CNTNAP2: variants seen among roughly 807,000 people sequenced by gnomAD.
The protein encoded by CNTNAP2 is contactin associated protein 2, also known as contactin-associated protein-like 2.
CNTNAP2 carries 98 observed loss-of-function variants against 155.2 expected under a neutral mutation model. The observed-to-expected ratio is 0.63, with a 90% CI of 0.54 to 0.75. The LOEUF is 0.75. Among genes scored for constraint, CNTNAP2 ranks in the 30% least tolerant of loss-of-function variants. The pLI is 0.00. For synonymous variants in CNTNAP2, 651 were observed against 631.2 expected (o/e 1.03, Z -0.47); for missense variants, 1,727 against 1,688.1 (o/e 1.02, Z -0.40).
chr7:146,128,477 T>C (rs528931981), intron 1 of CNTNAP2, among the ~76,000 whole-genome samples: 1 of 152,254 alleles, frequency 6.6e-6, no homozygotes, highest in Admixed American at 6.5e-5. Flanking sequence ...GCTTAATATT[T>C]ACCCAATATT....
chr7:146,606,289 A>G (rs561715446), intron 1 of CNTNAP2, among the ~76,000 whole-genome samples: 2 of 152,176 alleles, frequency 1.3e-5, no homozygotes, highest in African/African-American at 2.4e-5. Flanking sequence ...AGATGTAAAA[A>G]GTGACATGAG....
intron 1 of CNTNAP2, among the ~76,000 whole-genome samples, chr7:146,344,169 G>C (rs376739953): frequency 4.6e-5 from 7 of 152,168 alleles, no homozygotes; most frequent in Non-Finnish European, 4.4e-5. Context: ...CCAAAATTCT[G>C]AAGAGAATGT....
At position 147,761,677 on chromosome 7, in the gene CNTNAP2, G is replaced by A. The variant is rs375848513; in HGVS notation, c.2098+122371G>A. 2.6e-5 allele frequency among the ~76,000 whole-genome samples: 4 copies of A among 152,156 alleles called. No individual in the cohort carries two copies. The South Asian group carries it at 8.3e-4, about 32-fold the overall frequency. ...TATATAAATAATAATAGCACCATAA[G>A]TTATATCTTATCAGGCATTGAGCTG... is the stretch of plus-strand genomic sequence containing the variant. On this transcript the variant is annotated intron_variant, in intron 13 of 23. Transcript: ENST00000361727.
intron 13 of CNTNAP2, among the ~76,000 whole-genome samples, chr7:147,667,852 T>C (rs939402122): frequency 6.6e-6 from 1 of 151,510 alleles, no homozygotes; most frequent in Non-Finnish European, 1.5e-5. Flanking sequence ...CCAATGCAAT[T>C]CTGGAAGGAT....
intron 8 of CNTNAP2, among the ~76,000 whole-genome samples, chr7:147,287,142 A>G (rs922770843): frequency 6.6e-6 from 1 of 152,078 alleles, no homozygotes; most frequent in Non-Finnish European, 1.5e-5. Flanking sequence ...GCAAGTGGGA[A>G]TTTATATAGC....
chr7:146,254,982 G>A (rs1420742229), intron 1 of CNTNAP2, among the ~76,000 whole-genome samples: 1 of 152,020 alleles, frequency 6.6e-6, no homozygotes, highest in Non-Finnish European at 1.5e-5. Flanking sequence ...CAAAAGGATT[G>A]CATGATATCA....
chr7:147,186,339 T>C (rs987320131), intron 8 of CNTNAP2, among the ~76,000 whole-genome samples: 1 of 152,184 alleles, frequency 6.6e-6, no homozygotes, highest in African/African-American at 2.4e-5. Flanking sequence ...TTTAAAGGCA[T>C]AGAAGATCTT....
At chr7:147,867,193 C>T (rs528416187) in intron 13 of CNTNAP2, among the ~76,000 whole-genome samples, 1 of 152,130 alleles carries the variant, frequency 6.6e-6, no homozygotes, top group Non-Finnish European at 1.5e-5. Context: ...GATTTTATTT[C>T]TGCTTCACTT....
chr7:148,280,580 C>T (rs1192599265), intron 21 of CNTNAP2, among the ~76,000 whole-genome samples: 1 of 152,118 alleles, frequency 6.6e-6, no homozygotes, highest in Non-Finnish European at 1.5e-5. Flanking sequence ...TTTCTTACAA[C>T]TACATGTGAT....
chr7:147,339,590 C>T lies in CNTNAP2; in HGVS notation c.1498+39300C>T, dbSNP rs143103893. Reference sequence around the variant, plus strand: ...TATTGCAGCACTAAACAAACTAAGACGAGTACTAAAAATAAAATATTCATA... The same window carrying T: ...TATTGCAGCACTAAACAAACTAAGATGAGTACTAAAAATAAAATATTCATA... On this transcript the variant is annotated intron_variant, in intron 9 of 23. Coordinates refer to ENST00000361727, the MANE Select transcript of CNTNAP2 (RefSeq NM_014141.6). Among the ~76,000 whole-genome samples, 1,044 of 151,530 alleles carry T rather than the reference C, an allele frequency of 6.9e-3. 12 individuals carry two copies. Among genetic ancestry groups the T allele is most frequent in the African/African-American group, 0.024 (977 of 41,258 alleles).
In CNTNAP2 at chr7:148,172,367, T is replaced by C. The variant is rs1805809232; in HGVS notation, c.2899T>C (p.Cys967Arg). 1 of 1,614,000 alleles carries C rather than the reference T, an allele frequency of 6.2e-7. No homozygotes were observed. The highest frequency in any genetic ancestry group is 1.3e-5 in the African/African-American group (1 of 74,888). The change falls in exon 18 of 24, where the codon TGC becomes CGC. Residue 967 changes from cysteine to arginine, a missense_variant. Transcript: ENST00000361727. ...GTTCATATCCGGATGCTCGGGCCAT[T>C]GCACCAGCTATGGAACAAACTGTGA... ...SGFISGCSGHCTSYGTNCENG... is the reference protein window; with the variant it reads ...SGFISGCSGHRTSYGTNCENG...
intron 17 of CNTNAP2, among the ~76,000 whole-genome samples, chr7:148,158,011 G>A (rs533594830): frequency 7.9e-5 from 12 of 152,112 alleles, no homozygotes; most frequent in East Asian, 1.9e-4. Context: ...GGGCCACCAC[G>A]CTCAGTCGGC....
At chr7:147,494,468 C>CAGAA (rs1798661560) in intron 11 of CNTNAP2, among the ~76,000 whole-genome samples, 2 of 116,390 alleles carry the variant, frequency 1.7e-5, no homozygotes, top group Middle Eastern at 5.3e-3. Context: ...TGAGTCTTGG[C>CAGAA]AAAAAAAAAA....
intron 1 of CNTNAP2, among the ~76,000 whole-genome samples, chr7:146,329,745 A>G (rs1438972307): frequency 1.3e-5 from 2 of 152,088 alleles, no homozygotes; most frequent in Non-Finnish European, 2.9e-5. Context: ...TTACTGCAAC[A>G]CTTTCTAGCT....
At chr7:147,378,130 A>G (rs947796281) in intron 9 of CNTNAP2, 2 of 418,734 alleles carry the variant, frequency 4.8e-6, no homozygotes, top group African/African-American at 4.2e-5. Flanking sequence ...TCATTTTTAT[A>G]CTGTATATTG....
chr7:147,631,674 C>T (rs1301030005), intron 12 of CNTNAP2, among the ~76,000 whole-genome samples: 2 of 152,002 alleles, frequency 1.3e-5, no homozygotes, highest in Non-Finnish European at 2.9e-5. Context: ...AGAAATATAG[C>T]CAAATATTTA....
chr7:146,723,168 G>T (rs920321162), intron 1 of CNTNAP2, among the ~76,000 whole-genome samples: 1 of 152,120 alleles, frequency 6.6e-6, no homozygotes, highest in African/African-American at 2.4e-5. Context: ...GTCCTTACAA[G>T]AACAGAAAAC....
chr7:147,252,567 A>G (rs1009119799), intron 8 of CNTNAP2, among the ~76,000 whole-genome samples: 1 of 152,202 alleles, frequency 6.6e-6, no homozygotes, highest in Non-Finnish European at 1.5e-5. Flanking sequence ...TAATGAAATA[A>G]TAAGGCTAGA....
At chr7:148,249,931 C>G (rs80134172) in intron 20 of CNTNAP2, among the ~76,000 whole-genome samples, 3 of 152,212 alleles carry the variant, frequency 2.0e-5, no homozygotes, top group Non-Finnish European at 2.9e-5. Flanking sequence ...CTTGCAGGAG[C>G]GTCTCTGACA....
Sources: gnomAD v4.1 joint callset for allele counts (sites outside exome capture counted in the v4.1 genomes callset) on GRCh38, gnomAD v4.1.1 for gene constraint, MANE v1.5 for transcripts, NCBI Gene and HGNC (gene_info 2026-07-23, HGNC 2026-07-21) for gene names.